Variants in CDH12 observed in about 807,000 individuals in gnomAD.
CDH12 encodes the protein cadherin-12.
CDH12 carries 41 observed loss-of-function variants against 74.1 expected under a neutral mutation model. The observed-to-expected ratio is 0.55, with a 90% CI of 0.43 to 0.72. CDH12 has a LOEUF of 0.72. CDH12 is among the 30% of genes least tolerant of loss of function. The pLI, the probability that CDH12 is intolerant of heterozygous loss-of-function variation, is 0.00. For synonymous variants in CDH12, 399 were observed against 355.0 expected, an observed-to-expected ratio of 1.12 and a Z score of -1.39; for missense variants, 945 against 977.2, an observed-to-expected ratio of 0.97 and a Z score of 0.44.
At chr5:22,603,513 G>C (rs1308411116) in intron 1 of CDH12, among the ~76,000 whole-genome samples, 1 of 152,172 alleles carries the variant, frequency 6.6e-6, no homozygotes, top group African/African-American at 2.4e-5. Flanking sequence ...TGAAGCACCA[G>C]GGGATTACAG....
intron 6 of CDH12, among the ~76,000 whole-genome samples, chr5:21,903,527 A>T (rs370986232): frequency 1.3e-5 from 2 of 152,084 alleles, no homozygotes; most frequent in East Asian, 3.9e-4. Flanking sequence ...GGGGGAAAAG[A>T]GTGTCTTGGA....
rs114017382 is a variant in CDH12 at position 22,392,985 on chromosome 5, T to C, written c.-333+12272A>G. On this transcript the variant is annotated intron_variant, in intron 3 of 14. Coordinates refer to ENST00000382254, the MANE Select transcript of CDH12 (RefSeq NM_004061.5). ...CAGGCAGCCTATTTTTTTTCTCACA[T>C]AGATACCTCTTATATGGATCAGATT... Among the ~76,000 whole-genome samples, 1,328 of 152,228 alleles carry C rather than the reference T, an allele frequency of 8.7e-3. 19 individuals carry two copies. Among genetic ancestry groups the C allele is most frequent in the African/African-American group, 0.03 (1,254 of 41,556 alleles).
At chr5:22,775,104 C>T (rs1213758406) in intron 1 of CDH12, among the ~76,000 whole-genome samples, 1 of 151,670 alleles carries the variant, frequency 6.6e-6, no homozygotes, top group East Asian at 1.9e-4. Context: ...TATATGCACA[C>T]ACATACAGCT....
intron 6 of CDH12, among the ~76,000 whole-genome samples, chr5:21,941,742 C>T (rs1755338815): frequency 1.3e-5 from 2 of 152,118 alleles, no homozygotes; most frequent in African/African-American, 4.8e-5. Context: ...GGAAGACTCT[C>T]CATTTTGACT....
At chr5:21,870,913 G>A (rs926426790) in intron 6 of CDH12, among the ~76,000 whole-genome samples, 9 of 151,996 alleles carry the variant, frequency 5.9e-5, no homozygotes, top group African/African-American at 1.9e-4. Context: ...TGTATTTTTG[G>A]TAGAGACAGA....
intron 3 of CDH12, among the ~76,000 whole-genome samples, chr5:22,276,008 T>C (rs1280721794): frequency 6.6e-6 from 1 of 152,198 alleles, no homozygotes; most frequent in Non-Finnish European, 1.5e-5. Context: ...TGACAACTAT[T>C]GTTGGAATTG....
At chr5:22,466,776 C>CT (rs70959733) in intron 2 of CDH12, among the ~76,000 whole-genome samples, 6,648 of 50,944 alleles carry the variant, frequency 0.13, 1,925 homozygotes, top group Non-Finnish European at 0.15. Context: ...CCTCAGGAAT[C>CT]TTTTTTTTTT....
At chr5:22,416,968 T>A (rs1046690759) in intron 2 of CDH12, among the ~76,000 whole-genome samples, 17 of 152,190 alleles carry the variant, frequency 1.1e-4, no homozygotes, top group African/African-American at 4.1e-4. Context: ...TAAAGATAAT[T>A]ATGGACTACA....
intron 3 of CDH12, among the ~76,000 whole-genome samples, chr5:22,314,390 G>T (rs1207741178): frequency 6.6e-6 from 1 of 152,140 alleles, no homozygotes; most frequent in African/African-American, 2.4e-5. Context: ...AATCCAGTAT[G>T]GGTGATGTCC....
At chr5:22,178,114 T>C (rs552913537) in intron 4 of CDH12, among the ~76,000 whole-genome samples, 1 of 152,284 alleles carries the variant, frequency 6.6e-6, no homozygotes, top group Admixed American at 6.5e-5. Context: ...TCCTAAATAG[T>C]CAAGGCTACC....
At chr5:22,150,733 G>A (rs939502684) in intron 4 of CDH12, among the ~76,000 whole-genome samples, 1 of 152,092 alleles carries the variant, frequency 6.6e-6, no homozygotes, top group African/African-American at 2.4e-5. Flanking sequence ...CATAAGCACT[G>A]GGCCAGACAG....
intron 6 of CDH12, among the ~76,000 whole-genome samples, chr5:21,902,462 A>T (rs10056195): frequency 0.73 from 111,162 of 151,898 alleles, 43,265 homozygotes; most frequent in Non-Finnish European, 0.86. Flanking sequence ...AGGCCCCATA[A>T]CAGACTTAAT....
intron 8 of CDH12, among the ~76,000 whole-genome samples, chr5:21,829,550 T>G (rs2149964391): frequency 6.6e-6 from 1 of 152,306 alleles, no homozygotes; most frequent in Admixed American, 6.5e-5. Context: ...GTTTTTAGTA[T>G]TGCTTAGATT....
chr5:22,303,313 CA>C (rs1474694880), intron 3 of CDH12, among the ~76,000 whole-genome samples: 1 of 151,906 alleles, frequency 6.6e-6, no homozygotes, highest in Non-Finnish European at 1.5e-5. Flanking sequence ...AAAAACATGT[CA>C]CATTAGTTTA....
At chr5:22,284,929 GA>G (rs938471088) in intron 3 of CDH12, among the ~76,000 whole-genome samples, 1 of 97,966 alleles carries the variant, frequency 1.0e-5, no homozygotes, top group South Asian at 3.5e-4. Context: ...AGGCAAAAGA[GA>G]AAAAAAGGGA....
rs185345902 is a variant in CDH12 at position 22,353,433 on chromosome 5, T to G, written c.-333+51824A>C. On this transcript the variant is annotated intron_variant, in intron 3 of 14. Coordinates refer to ENST00000382254, the MANE Select transcript of CDH12 (RefSeq NM_004061.5). Reference sequence around the variant, plus strand: ...TATGGGAAGAAATATTAATACACGATCTTATAAAAATATATTGTAAATAGT... The same window carrying G: ...TATGGGAAGAAATATTAATACACGAGCTTATAAAAATATATTGTAAATAGT... 2.0e-4 allele frequency among the ~76,000 whole-genome samples: 31 copies of G among 152,260 alleles called. No homozygotes were observed. In the East Asian group the frequency reaches 3.7e-3, roughly 18 times the overall value.
chr5:22,687,059 G>C (rs924409543), intron 1 of CDH12, among the ~76,000 whole-genome samples: 4 of 152,148 alleles, frequency 2.6e-5, no homozygotes, highest in Non-Finnish European at 5.9e-5. Flanking sequence ...ACTTCGGGAG[G>C]CTAAGGCGCG....
chr5:22,108,690 G>T (rs1333167571), intron 4 of CDH12, among the ~76,000 whole-genome samples: 1 of 152,160 alleles, frequency 6.6e-6, no homozygotes, highest in African/African-American at 2.4e-5. Context: ...TAAGCCTGAA[G>T]TTTAACACTT....
At chr5:21,850,447 A>C (rs1750403863) in intron 7 of CDH12, among the ~76,000 whole-genome samples, 1 of 151,574 alleles carries the variant, frequency 6.6e-6, no homozygotes, top group South Asian at 2.1e-4. Context: ...TATACAAAAT[A>C]AATTTTTAAA....
Sources: allele counts gnomAD v4.1 joint callset (sites outside exome capture counted in the v4.1 genomes callset), GRCh38; gene constraint gnomAD v4.1.1; transcripts MANE v1.5; gene names NCBI Gene and HGNC (gene_info 2026-07-23, HGNC 2026-07-21).